KCNH5: variants seen among roughly 807,000 people sequenced by gnomAD.
KCNH5 encodes potassium voltage-gated channel subfamily H member 5.
In KCNH5, 46 loss-of-function variants were observed where a neutral mutation model predicts 96.1. That is an observed-to-expected ratio of 0.48 (90% CI 0.38 to 0.61). The LOEUF (loss-of-function observed/expected upper bound fraction) is 0.61. KCNH5 is among the 20% of genes least tolerant of loss of function. The probability of loss-of-function intolerance (pLI) is 0.00; values close to 1 mark genes in which losing one functional copy is unlikely to be tolerated. For missense variants in KCNH5, 907 were observed against 1,225.8 expected (o/e 0.74, Z 3.88); for synonymous variants, 439 against 449.8 (o/e 0.98, Z 0.30).
intron 7 of KCNH5, among the ~76,000 whole-genome samples, chr14:62,918,907 A>C (rs976848368): frequency 6.6e-6 from 1 of 152,116 alleles, no homozygotes; most frequent in African/African-American, 2.4e-5. Context: ...TATGAAAATC[A>C]TTTTTATCAT....
chr14:62,749,172 T>C (rs912934231), intron 10 of KCNH5, among the ~76,000 whole-genome samples: 2 of 152,188 alleles, frequency 1.3e-5, no homozygotes. Flanking sequence ...AGTAAATAAG[T>C]TACTCTCTGC....
chr14:62,934,032 C>T (rs1029886660), intron 7 of KCNH5, among the ~76,000 whole-genome samples: 7 of 152,102 alleles, frequency 4.6e-5, no homozygotes, highest in Non-Finnish European at 1.0e-4. Flanking sequence ...GTTCAAATTA[C>T]GCAGCACAGA....
intron 8 of KCNH5, among the ~76,000 whole-genome samples, chr14:62,805,582 A>G (rs892805367): frequency 2.4e-4 from 37 of 152,178 alleles, no homozygotes; most frequent in African/African-American, 8.2e-4. Flanking sequence ...TCACAGTCTT[A>G]GCCAAGGCAA....
chr14:63,030,788 TAG>T (rs1891610473), intron 1 of KCNH5, among the ~76,000 whole-genome samples: 1 of 152,198 alleles, frequency 6.6e-6, no homozygotes, highest in Admixed American at 6.5e-5. Flanking sequence ...GTGTCAAAAA[TAG>T]AGATTGTTAA....
At chr14:62,766,648 T>C (rs988814459) in intron 10 of KCNH5, among the ~76,000 whole-genome samples, 4 of 152,076 alleles carry the variant, frequency 2.6e-5, no homozygotes, top group Non-Finnish European at 4.4e-5. Flanking sequence ...GAACTCATAA[T>C]TATAGGGAGT....
In KCNH5 at chr14:63,006,435, C is replaced by T. The variant is rs1170097231; in HGVS notation, c.235G>A (p.Glu79Lys). 1 of 1,612,520 alleles carries T rather than the reference C, an allele frequency of 6.2e-7. No individual in the cohort carries two copies. Among genetic ancestry groups the T allele is most frequent in the South Asian group, 1.1e-5 (1 of 90,994 alleles). The change falls in exon 3 of 11, where the codon GAG becomes AAG. Residue 79 changes from glutamate (E) to lysine (K), a missense_variant. This residue lies in a region of KCNH5 where 370 missense variants were observed against 561.3 expected (regional missense o/e 0.66). Coordinates refer to ENST00000322893, the MANE Select transcript of KCNH5 (RefSeq NM_139318.5). ...YGELTDKKTI[E>K]KVRQTFDNYE... is the part of the protein sequence containing the mutation. The stretch of plus-strand genomic sequence containing the variant: ...TTGTCAAAAGTTTGCCTGACTTTCT[C>T]AATGGTCTTCTTGTCAGTCAATTCC...
At chr14:62,908,782 A>AC (rs71451284) in intron 7 of KCNH5, among the ~76,000 whole-genome samples, 11 of 23,712 alleles carry the variant, frequency 4.6e-4, no homozygotes, top group African/African-American at 2.0e-3. Flanking sequence ...TTTGCTTTGT[A>AC]TTTTTTTTTT....
chr14:62,817,171 A>G (rs963918100), intron 8 of KCNH5, among the ~76,000 whole-genome samples: 12 of 139,870 alleles, frequency 8.6e-5, no homozygotes, highest in African/African-American at 2.9e-4. Flanking sequence ...AATATATAAT[A>G]TATAATATAC....
intron 7 of KCNH5, among the ~76,000 whole-genome samples, chr14:62,852,630 G>T (rs1430533482): frequency 6.7e-6 from 1 of 150,060 alleles, no homozygotes; most frequent in African/African-American, 2.5e-5. Flanking sequence ...TTTTTCGTAT[G>T]CACTTGTTTC....
intron 7 of KCNH5, among the ~76,000 whole-genome samples, chr14:62,932,475 T>TAAAAAAAA (rs199801361): frequency 9.8e-6 from 1 of 102,482 alleles, no homozygotes; most frequent in Non-Finnish European, 2.1e-5. Flanking sequence ...GAAATGAGAT[T>TAAAAAAAA]AAAAAAAAAA....
At chr14:62,898,913 C>T (rs1888868505) in intron 7 of KCNH5, among the ~76,000 whole-genome samples, 1 of 152,032 alleles carries the variant, frequency 6.6e-6, no homozygotes, top group South Asian at 2.1e-4. Flanking sequence ...AATTTCAATT[C>T]CCCAGGGAGA....
intron 1 of KCNH5, 21 bp from the exon 2 acceptor site, chr14:63,016,975 AAGG>A: frequency 6.3e-7 from 1 of 1,593,564 alleles, no homozygotes. Flanking sequence ...AAGGAGAAAA[AAGG>A]AGGTTATTTA....
At chr14:62,935,565 A>G (rs1246505535) in intron 7 of KCNH5, among the ~76,000 whole-genome samples, 1 of 152,152 alleles carries the variant, frequency 6.6e-6, no homozygotes, top group Non-Finnish European at 1.5e-5. Context: ...CAGAGCTAGG[A>G]AAAAATAAAA....
In KCNH5 at chr14:62,797,721, T is replaced by TTC. The variant is rs1214852445; in HGVS notation, c.1822+4607_1822+4608insGA. On this transcript the variant is annotated intron_variant, in intron 9 of 10. Coordinates refer to ENST00000322893, the MANE Select transcript of KCNH5 (RefSeq NM_139318.5). ...CTTTGATAATGCACACGTTTATAAT[T>TTC]TTTTTTTTTTTTGAGACAAAGTCTC... 5.3e-4 allele frequency among the ~76,000 whole-genome samples: 78 copies of TTC among 148,564 alleles called. 1 individual carries two copies. The highest frequency in any genetic ancestry group is 1.8e-3 in the African/African-American group (74 of 40,924).
At position 62,889,257 on chromosome 14, in the gene KCNH5, TGA is replaced by T. The variant is rs562231387; in HGVS notation, c.1370-39407_1370-39406del. ...TTTTACTCAACAAATACTTATTGAT[TGA>T]GAGTCAGCTACCTGCCAGACACACT... On this transcript the variant is annotated intron_variant, in intron 7 of 10. Transcript: ENST00000322893. Among the ~76,000 whole-genome samples the T allele has an allele frequency of 9.9e-4, 151 of 152,266 alleles. 1 individual carries two copies. The highest frequency in any genetic ancestry group is 4.6e-3 in the South Asian group (22 of 4,822).
chr14:62,905,937 C>T (rs1254413092), intron 7 of KCNH5, among the ~76,000 whole-genome samples: 1 of 152,218 alleles, frequency 6.6e-6, no homozygotes, highest in East Asian at 1.9e-4. Flanking sequence ...TGTGGCAGTG[C>T]TGTCTCCTAC....
intron 10 of KCNH5, among the ~76,000 whole-genome samples, chr14:62,761,553 T>C (rs952466113): frequency 5.3e-5 from 8 of 152,108 alleles, no homozygotes; most frequent in African/African-American, 1.9e-4. Flanking sequence ...ACAAACTGTA[T>C]GATCAAATTT....
chr14:62,729,979 C>T (rs994782310), intron 10 of KCNH5, among the ~76,000 whole-genome samples: 60 of 152,096 alleles, frequency 3.9e-4, no homozygotes, highest in Admixed American at 2.4e-3. Flanking sequence ...ATAATGTTAC[C>T]GTGTTACAAT....
intron 7 of KCNH5, among the ~76,000 whole-genome samples, chr14:62,867,434 A>G (rs1457268180): frequency 6.6e-6 from 1 of 152,108 alleles, no homozygotes; most frequent in Non-Finnish European, 1.5e-5. Context: ...CTTCTTATAC[A>G]CTATGCAGTT....
Sources: gnomAD v4.1 joint callset for allele counts (sites outside exome capture counted in the v4.1 genomes callset) on GRCh38, gnomAD v4.1.1 for gene constraint, gnomAD v4.1.1 regional missense constraint, MANE v1.5 for transcripts, NCBI Gene and HGNC (gene_info 2026-07-23, HGNC 2026-07-21) for gene names.